The following DEFB112 variants were observed in gnomAD, a reference collection of about 807,000 sequenced individuals.
DEFB112 encodes the protein beta-defensin 112.
Under a neutral mutation model 1.1 loss-of-function variants are expected in DEFB112, and 2 were observed. The ratio of observed to expected loss-of-function variants is 1.85; its 90% CI spans 0.76 to 5.83. The LOEUF is 5.83. Among genes scored for constraint, DEFB112 ranks in the 30% most tolerant of loss-of-function variants. DEFB112 has a pLI of 0.05. For synonymous variants in DEFB112, 40 were observed against 31.2 expected, an observed-to-expected ratio of 1.28 and a Z score of -0.93; for missense variants, 120 against 94.4, an observed-to-expected ratio of 1.27 and a Z score of -1.12.
chr6:50,049,235 C>T (rs999686636), intron 1 of DEFB112, among the ~76,000 whole-genome samples: 5 of 151,998 alleles, frequency 3.3e-5, no homozygotes, highest in Admixed American at 1.3e-4. Context: ...TTAAGGTTAC[C>T]TCCTCTGATC....
Position 50,043,432 on chromosome 6 carries a change from A to G in DEFB112, c.*143T>C, listed in dbSNP as rs1007833509. The G allele has an allele frequency of 3.5e-5, 21 of 600,364 alleles. No individual in the cohort carries two copies. Among genetic ancestry groups the G allele is most frequent in the African/African-American group, 5.5e-5 (3 of 54,204 alleles). 37.2% of individuals were successfully genotyped at this position (600,364 alleles called of 1,614,324 possible). On this transcript the variant is annotated 3_prime_UTR_variant, in exon 2 of 2. Coordinates refer to ENST00000651554, the MANE Select transcript of DEFB112 (RefSeq NM_001369057.2). ...TCTTCTAAGCAAGCACAATGTTTAT[A>G]AAAATGTCCAGCTGAAATATATTTT...
intron 1 of DEFB112, among the ~76,000 whole-genome samples, chr6:50,049,600 T>G (rs903693193): frequency 6.6e-6 from 1 of 152,150 alleles, no homozygotes; most frequent in Non-Finnish European, 1.5e-5. Flanking sequence ...AATGTATATT[T>G]TCATGTAATT....
Position 50,042,708 on chromosome 6 carries a change from C to G in DEFB112, c.*867G>C, listed in dbSNP as rs1431772105. Among the ~76,000 whole-genome samples, 4 of 151,954 alleles carry G rather than the reference C, an allele frequency of 2.6e-5. No individual in the cohort carries two copies. Among genetic ancestry groups the G allele is most frequent in the Non-Finnish European group, 4.4e-5 (3 of 67,928 alleles). The stretch of plus-strand genomic sequence containing the variant: ...AAGACCAACTGCTGACCCTTTCCCT[C>G]AAGGCCACAATTTAGCCTTTGTTAA... On this transcript the variant is annotated 3_prime_UTR_variant, in exon 2 of 2. Coordinates refer to ENST00000651554, the MANE Select transcript of DEFB112 (RefSeq NM_001369057.2).
At position 50,043,825 on chromosome 6, in the gene DEFB112, G is replaced by A. The variant is rs766052139; in HGVS notation, c.59-24C>T. ...GGCTGAAAGAAGGCAAGAACAGCTG[G>A]AATTAGTAATCTAGGTGGGAACTCC... On this transcript the variant is annotated intron_variant, in intron 1 of 1. Coordinates refer to ENST00000651554, the MANE Select transcript of DEFB112 (RefSeq NM_001369057.2). 1.1e-5 allele frequency: 17 copies of A among 1,601,100 alleles called. No homozygotes were observed. The South Asian group carries it at 1.8e-4, about 17-fold the overall frequency.
chr6:50,043,150 G>T lies in DEFB112; in HGVS notation c.*425C>A, dbSNP rs1774773083. ...ATAAGCAATATGAGAAAGTTATGAG[G>T]ATTTCATAATCCTTCAAATTTCTTG... is the stretch of plus-strand genomic sequence containing the variant. On this transcript the variant is annotated 3_prime_UTR_variant, in exon 2 of 2. Coordinates refer to ENST00000651554, the MANE Select transcript of DEFB112 (RefSeq NM_001369057.2). 6.6e-6 allele frequency among the ~76,000 whole-genome samples: 1 copy of T among 151,958 alleles called. No individual in the cohort carries two copies. The highest frequency in any genetic ancestry group is 1.5e-5 in the Non-Finnish European group (1 of 67,942).
intron 1 of DEFB112, among the ~76,000 whole-genome samples, chr6:50,044,728 T>A (rs1218512816): frequency 6.6e-6 from 1 of 152,046 alleles, no homozygotes; most frequent in Non-Finnish European, 1.5e-5. Context: ...GAGGAGACTG[T>A]CTTAGGAAGT....
intron 1 of DEFB112, among the ~76,000 whole-genome samples, chr6:50,044,094 G>A (rs1345094644): frequency 6.6e-6 from 1 of 151,982 alleles, no homozygotes; most frequent in Admixed American, 6.6e-5. Flanking sequence ...ACATTGACTA[G>A]AACCATTGGA....
rs1451477729 is a variant in DEFB112 at position 50,042,556 on chromosome 6, A to G, written c.*1019T>C. On this transcript the variant is annotated 3_prime_UTR_variant, in exon 2 of 2. Coordinates refer to ENST00000651554, the MANE Select transcript of DEFB112 (RefSeq NM_001369057.2). Reference sequence around the variant, plus strand: ...AACCAAGGCTGCCAGCCAAGGACAAAGCCTAGAGGACATTCTTTAAGTAAT... The same window carrying G: ...AACCAAGGCTGCCAGCCAAGGACAAGGCCTAGAGGACATTCTTTAAGTAAT... 1.3e-5 allele frequency among the ~76,000 whole-genome samples: 2 copies of G among 152,044 alleles called. No homozygotes were observed. The highest frequency in any genetic ancestry group is 4.8e-5 in the African/African-American group (2 of 41,420).
chr6:50,043,822 C>T (rs758183688), intron 1 of DEFB112, 21 bp from the exon 2 acceptor site: 3 of 1,604,308 alleles, frequency 1.9e-6, no homozygotes, highest in Non-Finnish European at 1.7e-6. Context: ...GCAAGAACAG[C>T]TGGAATTAGT....
rs1582380274 is a variant in DEFB112 at position 50,042,931 on chromosome 6, A to T, written c.*644T>A. Among the ~76,000 whole-genome samples the T allele has an allele frequency of 6.6e-6, 1 of 152,086 alleles. No homozygotes were observed. Among genetic ancestry groups the T allele is most frequent in the Non-Finnish European group, 1.5e-5 (1 of 67,970 alleles). ...CATTAAAAACATGAAACAAAGCAAAACAAAACAAAAAAGTTAATCATAATT... is the reference window on the plus strand; with the variant it reads ...CATTAAAAACATGAAACAAAGCAAATCAAAACAAAAAAGTTAATCATAATT... On this transcript the variant is annotated 3_prime_UTR_variant, in exon 2 of 2. Transcript: ENST00000651554.
intron 1 of DEFB112, among the ~76,000 whole-genome samples, chr6:50,044,348 G>A (rs113512901): frequency 2.7e-3 from 405 of 152,188 alleles, no homozygotes; most frequent in Non-Finnish European, 3.6e-3. Flanking sequence ...ATTAGAATAC[G>A]GAGATAGTAA....
Position 50,042,479 on chromosome 6 carries a change from T to C in DEFB112, c.*1096A>G, listed in dbSNP as rs568769118. Among the ~76,000 whole-genome samples, 1 of 152,200 alleles carries C rather than the reference T, an allele frequency of 6.6e-6. No homozygotes were observed. Among genetic ancestry groups the C allele is most frequent in the South Asian group, 2.1e-4 (1 of 4,828 alleles). ...TTGTTACCACATAATTTTAAGTGAC[T>C]AGCTCCCTTTTCTTCATGTGGCCTT... On this transcript the variant is annotated 3_prime_UTR_variant, in exon 2 of 2. Coordinates refer to ENST00000651554, the MANE Select transcript of DEFB112 (RefSeq NM_001369057.2).
In DEFB112 at chr6:50,043,934, C is replaced by T. The variant is rs1774790638; in HGVS notation, c.59-133G>A. On this transcript the variant is annotated intron_variant, in intron 1 of 1. Coordinates refer to ENST00000651554, the MANE Select transcript of DEFB112 (RefSeq NM_001369057.2). ...TGGATATTTGCTTTAATTTTTTTGT[C>T]CATATCAGAGAAAATCAAGGAAACC... 11 of 761,122 alleles carry T rather than the reference C, an allele frequency of 1.4e-5. No individual in the cohort carries two copies. In the South Asian group the frequency reaches 2.0e-4, roughly 14 times the overall value. 47.1% of individuals were successfully genotyped at this position (761,122 alleles called of 1,614,324 possible). A position where few individuals can be genotyped will look rare whatever the true frequency, so the allele number is the denominator to read the frequency against.
At position 50,047,550 on chromosome 6, in the gene DEFB112, T is replaced by C. The variant is rs183050873; in HGVS notation, c.58+2262A>G. ...ATCTCTCACCTGGTTTCCTTAGCTC[T>C]TGTGAAGGCATTTTCGTGCATGGAT... is the stretch of plus-strand genomic sequence containing the variant. On this transcript the variant is annotated intron_variant, in intron 1 of 1. Transcript: ENST00000651554. Among the ~76,000 whole-genome samples the C allele has an allele frequency of 8.5e-4, 129 of 152,284 alleles. 1 individual carries two copies. Among genetic ancestry groups the C allele is most frequent in the Non-Finnish European group, 8.8e-5 (6 of 68,022 alleles).
At chr6:50,046,096 T>C (rs1420231218) in intron 1 of DEFB112, among the ~76,000 whole-genome samples, 1 of 152,152 alleles carries the variant, frequency 6.6e-6, no homozygotes, top group African/African-American at 2.4e-5. Flanking sequence ...TGAGCATGTT[T>C]AAGCCAGGGT....
At position 50,048,121 on chromosome 6, in the gene DEFB112, T is replaced by C. The variant is rs548409171; in HGVS notation, c.58+1691A>G. On this transcript the variant is annotated intron_variant, in intron 1 of 1. Coordinates refer to ENST00000651554, the MANE Select transcript of DEFB112 (RefSeq NM_001369057.2). ...AAGATAGTGTCATTGCACTCCAGCC[T>C]GGGCAACAAGAGTGAAACTCCGTCT... Among the ~76,000 whole-genome samples, 1,159 of 149,770 alleles carry C rather than the reference T, an allele frequency of 7.7e-3. 7 individuals are homozygous for C. Among genetic ancestry groups the C allele is most frequent in the South Asian group, 0.016 (74 of 4,742 alleles).
intron 1 of DEFB112, among the ~76,000 whole-genome samples, chr6:50,044,814 G>GTCCTTA (rs1396341277): frequency 6.6e-6 from 1 of 151,996 alleles, no homozygotes; most frequent in Non-Finnish European, 1.5e-5. Flanking sequence ...AAATGACCAA[G>GTCCTTA]TCCTTATCAC....
At chr6:50,047,181 G>T (rs1403548960) in intron 1 of DEFB112, among the ~76,000 whole-genome samples, 1 of 152,194 alleles carries the variant, frequency 6.6e-6, no homozygotes, top group East Asian at 1.9e-4. Flanking sequence ...GGCAGGCCTG[G>T]AGGGGCAGTG....
chr6:50,048,014 G>A (rs10214618), intron 1 of DEFB112, among the ~76,000 whole-genome samples: 2,243 of 152,014 alleles, frequency 0.015, 58 homozygotes, highest in African/African-American at 0.052. Flanking sequence ...GGGCGTGGTG[G>A]TGGGAGCCTG....
Sources: gnomAD v4.1 joint callset for allele counts (sites outside exome capture counted in the v4.1 genomes callset) on GRCh38, gnomAD v4.1.1 for gene constraint, MANE v1.5 for transcripts, NCBI Gene and HGNC (gene_info 2026-07-23, HGNC 2026-07-21) for gene names.